The following NCKAP5 variants were observed in gnomAD, a reference collection of about 807,000 sequenced individuals.
NCKAP5 encodes the protein NCK associated protein 5.
NCKAP5 carries 92 observed loss-of-function variants against 167.0 expected under a neutral mutation model. That is an observed-to-expected ratio of 0.55 (90% confidence interval 0.47 to 0.66). The LOEUF (loss-of-function observed/expected upper bound fraction) is 0.66. Ranked by LOEUF, NCKAP5 falls within the 30% of genes least tolerant of loss-of-function variation. NCKAP5 has a pLI of 0.00. For synonymous variants in NCKAP5, 891 were observed against 877.4 expected, an observed-to-expected ratio of 1.02 and a Z score of -0.27; for missense variants, 2,378 against 2,315.0, an observed-to-expected ratio of 1.03 and a Z score of -0.56.
intron 4 of NCKAP5, chr2:133,269,067 G>C (rs1222675226): frequency 6.6e-6 from 1 of 152,166 alleles, no homozygotes; most frequent in Admixed American, 6.5e-5. Context: ...TTATTTCCTA[G>C]CTTGGTGGTC....
At chr2:132,689,194 C>A (rs1686393848) in intron 19 of NCKAP5, among the ~76,000 whole-genome samples, 1 of 151,926 alleles carries the variant, frequency 6.6e-6, no homozygotes, top group Admixed American at 6.6e-5. Context: ...TCTAGATTAA[C>A]CTCATAATGG....
intron 3 of NCKAP5, among the ~76,000 whole-genome samples, chr2:133,346,250 A>G (rs756224306): frequency 3.7e-4 from 56 of 152,308 alleles, no homozygotes; most frequent in Non-Finnish European, 7.6e-4. Context: ...GTGAGCAAAA[A>G]CACATCTATT....
chr2:132,797,435 A>C (rs528260500), intron 11 of NCKAP5, among the ~76,000 whole-genome samples: 1 of 152,282 alleles, frequency 6.6e-6, no homozygotes, highest in South Asian at 2.1e-4. Context: ...TGGACATTAA[A>C]TTTGATCTGT....
chr2:132,701,662 T>C (rs1460758023), intron 19 of NCKAP5, among the ~76,000 whole-genome samples: 1 of 152,112 alleles, frequency 6.6e-6, no homozygotes, highest in Non-Finnish European at 1.5e-5. Context: ...GCCAGACACA[T>C]ATAAAGAGAT....
chr2:133,377,056 C>T (rs1686193781), intron 3 of NCKAP5, among the ~76,000 whole-genome samples: 1 of 152,108 alleles, frequency 6.6e-6, no homozygotes, highest in South Asian at 2.1e-4. Context: ...TTAGGGGAAA[C>T]TAACATACAA....
intron 4 of NCKAP5, among the ~76,000 whole-genome samples, chr2:133,214,365 C>G (rs1288944132): frequency 6.6e-6 from 1 of 152,094 alleles, no homozygotes; most frequent in East Asian, 1.9e-4. Flanking sequence ...TACACTGAGT[C>G]CTCAGCTGGT....
chr2:132,973,322 A>G (rs1189294273), intron 7 of NCKAP5, among the ~76,000 whole-genome samples: 1 of 152,230 alleles, frequency 6.6e-6, no homozygotes, highest in African/African-American at 2.4e-5. Flanking sequence ...AGGATCTAAA[A>G]GTCTATTCTT....
intron 3 of NCKAP5, among the ~76,000 whole-genome samples, chr2:133,430,731 T>C (rs10928452): frequency 0.21 from 32,604 of 151,982 alleles, 3,885 homozygotes; most frequent in African/African-American, 0.32. Flanking sequence ...TTGGTCTATA[T>C]GTCTATTTTT....
chr2:133,004,895 G>A (rs1003123843), intron 6 of NCKAP5, among the ~76,000 whole-genome samples: 3 of 152,132 alleles, frequency 2.0e-5, no homozygotes, highest in Non-Finnish European at 4.4e-5. Flanking sequence ...CTTTCTCAGG[G>A]TTATTCCTTG....
chr2:133,674,288 C>T, the NCKAP5 span, among the ~76,000 whole-genome samples: 4 of 151,756 alleles, frequency 2.6e-5, no homozygotes, highest in South Asian at 2.1e-4. Context: ...CGGCTGGCTG[C>T]GGAATGAATC....
At chr2:133,225,779 CTTTTTTTTTT>C (rs1003972708) in intron 4 of NCKAP5, among the ~76,000 whole-genome samples, 964 of 39,738 alleles carry the variant, frequency 0.024, 26 homozygotes, top group African/African-American at 0.082. Context: ...ATGCCCTGTT[CTTTTTTTTTT>C]TTTTTTTTTT....
chr2:133,186,582 G>C (rs1020407584), intron 5 of NCKAP5, among the ~76,000 whole-genome samples: 1 of 152,026 alleles, frequency 6.6e-6, no homozygotes, highest in African/African-American at 2.4e-5. Context: ...ATCTGGTCCA[G>C]GGCTCTTTTG....
At chr2:132,883,771 A>G (rs1323336582) in intron 8 of NCKAP5, among the ~76,000 whole-genome samples, 2 of 152,212 alleles carry the variant, frequency 1.3e-5, no homozygotes, top group African/African-American at 2.4e-5. Context: ...CAGTAATTTG[A>G]AATTCAAGTG....
At chr2:133,158,002 T>G (rs1194517295) in intron 5 of NCKAP5, among the ~76,000 whole-genome samples, 1 of 152,186 alleles carries the variant, frequency 6.6e-6, no homozygotes, top group Non-Finnish European at 1.5e-5. Flanking sequence ...CATGATACAA[T>G]GCATGTTGTA....
chr2:133,427,091 CACA>C (rs1689860651), intron 3 of NCKAP5, among the ~76,000 whole-genome samples: 1 of 152,074 alleles, frequency 6.6e-6, no homozygotes, highest in Admixed American at 6.5e-5. Flanking sequence ...CTAGCACAGG[CACA>C]ACATCAAAAC....
chr2:133,335,624 T>C (rs1344851906), intron 3 of NCKAP5, among the ~76,000 whole-genome samples: 1 of 152,322 alleles, frequency 6.6e-6, no homozygotes. Context: ...TTTTGCCTGA[T>C]GATATATTGA....
intron 2 of NCKAP5, chr2:133,558,247 T>G (rs1375186178): frequency 6.6e-6 from 1 of 152,172 alleles, no homozygotes; most frequent in Non-Finnish European, 1.5e-5. Flanking sequence ...GAGGTGGTCT[T>G]TTTCTCTGGT....
chr2:133,232,886 T>C (rs2087217537), intron 4 of NCKAP5, among the ~76,000 whole-genome samples: 1 of 152,190 alleles, frequency 6.6e-6, no homozygotes, highest in Non-Finnish European at 1.5e-5. Flanking sequence ...TATACCTCAA[T>C]GGCAAAATGT....
chr2:133,250,012 T>TATTATTATTATTATC (rs1159438268), intron 4 of NCKAP5, among the ~76,000 whole-genome samples: 2 of 146,652 alleles, frequency 1.4e-5, no homozygotes, highest in Non-Finnish European at 3.0e-5. Flanking sequence ...TTATTATTAT[T>TATTATTATTATTATC]ATTATTATTA....
Sources: gnomAD v4.1 joint callset for allele counts (sites outside exome capture counted in the v4.1 genomes callset) on GRCh38, gnomAD v4.1.1 for gene constraint, MANE v1.5 for transcripts, NCBI Gene and HGNC (gene_info 2026-07-23, HGNC 2026-07-21) for gene names.